The following CYP2A6 variants were observed in gnomAD, a reference collection of about 807,000 sequenced individuals.
CYP2A6 encodes the protein cytochrome P450 2A6.
In CYP2A6, 27 loss-of-function variants were observed where a neutral mutation model predicts 42.3. The observed-to-expected ratio is 0.64, with a 90% confidence interval of 0.47 to 0.88. CYP2A6 has a LOEUF of 0.88. Among genes scored for constraint, CYP2A6 ranks in the 40% least tolerant of loss-of-function variants. The pLI, the probability that CYP2A6 is intolerant of heterozygous loss-of-function variation, is 0.00. For missense variants in CYP2A6, 628 were observed against 646.0 expected, an observed-to-expected ratio of 0.97 and a Z score of 0.30; for synonymous variants, 238 against 246.3, an observed-to-expected ratio of 0.97 and a Z score of 0.31.
chr19:40,846,050 C>T lies in CYP2A6; in HGVS notation c.879G>A (p.Met293Ile). The T allele has an allele frequency of 6.2e-7, 1 of 1,611,610 alleles. No individual in the cohort carries two copies. The highest frequency in any genetic ancestry group is 8.5e-7 in the Non-Finnish European group (1 of 1,179,870). The change falls in exon 6 of 9, where the codon ATG (methionine) becomes ATA (isoleucine). Residue 293 changes from methionine (M) to isoleucine (I), a missense_variant. Physicochemically the swap from Met to Ile is conservative, Grantham distance 10. Transcript: ENST00000301141. ...NTEFYLKNLV[M>I]TTLNLFIGGT... ...CCCCAATGAAGAGGTTCAACGTGGT[C>T]ATCACCAGGTTTTTCAAGTAGAACT...
intron 2 of CYP2A6, among the ~76,000 whole-genome samples, 177 bp from the exon 3 acceptor site, chr19:40,848,940 TAG>T (rs67032351): frequency 0.19 from 12,527 of 65,890 alleles, 1,329 homozygotes; most frequent in South Asian, 0.3. Context: ...GATGTCGAGG[TAG>T]AGAGAGAGAG....
rs776087815 is a variant in CYP2A6 at position 40,846,913 on chromosome 19, G to T, written c.793C>A (p.Arg265=). 3.7e-6 allele frequency: 6 copies of T among 1,612,040 alleles called. No homozygotes were observed. Among genetic ancestry groups the T allele is most frequent in the East Asian group, 2.3e-5 (1 of 43,438 alleles). Reference sequence around the variant, plus strand: ...ATGAGAAAGGAGTCAATGAAGTCCCGTGGGGAATTGGGATCCAGCGTGCGC... The same window carrying T: ...ATGAGAAAGGAGTCAATGAAGTCCCTTGGGGAATTGGGATCCAGCGTGCGC... ...NQRTLDPNSP[R]DFIDSFLIRM... Residue 265 remains arginine, a synonymous_variant, in exon 5 of 9, where the codon CGG becomes AGG. Transcript: ENST00000301141.
rs1180088628 is a variant in CYP2A6 at position 40,846,052 on chromosome 19, T to A, written c.877A>T (p.Met293Leu). ...CCAATGAAGAGGTTCAACGTGGTCA[T>A]CACCAGGTTTTTCAAGTAGAACTCC... ...NTEFYLKNLV[M>L]TTLNLFIGGT... Residue 293 changes from methionine (M) to leucine (L), a missense_variant, in exon 6 of 9, where the codon ATG (methionine) becomes TTG (leucine). Around this residue, in one of 2 missense-constraint regions of CYP2A6, gnomAD observed 606 missense variants for 568.1 expected, o/e 1.07. Coordinates refer to ENST00000301141, the MANE Select transcript of CYP2A6 (RefSeq NM_000762.6). 1 of 1,611,548 alleles carries A rather than the reference T, an allele frequency of 6.2e-7. No homozygotes were observed. Among genetic ancestry groups the A allele is most frequent in the South Asian group, 1.1e-5 (1 of 90,884 alleles).
Position 40,846,791 on chromosome 19 carries a change from C to T in CYP2A6, c.831+84G>A, listed in dbSNP as rs1249565882. On this transcript the variant is annotated intron_variant, in intron 5 of 8. Coordinates refer to ENST00000301141, the MANE Select transcript of CYP2A6 (RefSeq NM_000762.6). ...TATGATGAGGGTTAATTTGAATGGG[C>T]CTGTGTCATCTGCCTGCCCCACTCC... 1.0e-5 allele frequency: 16 copies of T among 1,549,016 alleles called. 1 individual carries two copies. In the East Asian group the frequency reaches 3.3e-4, roughly 32 times the overall value.
chr19:40,849,772 C>T (rs1445846592), intron 2 of CYP2A6, 46 bp downstream of exon 2: 1 of 1,606,526 alleles, frequency 6.2e-7, no homozygotes, highest in African/African-American at 1.3e-5. Context: ...ACACTGAGAC[C>T]TTCGTGTCCA....
intron 4 of CYP2A6, among the ~76,000 whole-genome samples, chr19:40,847,725 G>T (rs577720071): frequency 6.6e-6 from 1 of 151,806 alleles, no homozygotes; most frequent in East Asian, 2.0e-4. Flanking sequence ...AGGTATTTAA[G>T]TGGGTGAAGT....
At chr19:40,850,196 C>G (rs1272319041) in intron 1 of CYP2A6, 51 bp downstream of exon 1, 1 of 1,580,142 alleles carries the variant, frequency 6.3e-7, no homozygotes, top group African/African-American at 1.3e-5. Context: ...AAAGCCCCAG[C>G]CAACTAGGCA....
At chr19:40,848,103 G>A (rs1967131964) in intron 4 of CYP2A6, 116 bp downstream of exon 4, 1 of 1,542,752 alleles carries the variant, frequency 6.5e-7, no homozygotes, top group Non-Finnish European at 8.8e-7. Context: ...ATCGGGGACT[G>A]ATTTTGAGGG....
rs1170247573 is a variant in CYP2A6 at position 40,848,386 on chromosome 19, G to C, written c.494-7C>G. The C allele has an allele frequency of 6.2e-7, 1 of 1,611,856 alleles. No individual in the cohort carries two copies. The highest frequency in any genetic ancestry group is 8.5e-7 in the Non-Finnish European group (1 of 1,179,912). ...GTGGGATCGATATTGGCGCCTGCGGGTATGGCGGGAGAAGGGGGTTGGGGA... is the reference window on the plus strand; with the variant it reads ...GTGGGATCGATATTGGCGCCTGCGGCTATGGCGGGAGAAGGGGGTTGGGGA... On this transcript the variant is annotated splice_region_variant and splice_polypyrimidine_tract_variant and intron_variant, in intron 3 of 8. Transcript: ENST00000301141.
At chr19:40,845,729 C>T (rs528987773) in intron 6 of CYP2A6, among the ~76,000 whole-genome samples, 5 of 151,420 alleles carry the variant, frequency 3.3e-5, no homozygotes, top group Admixed American at 2.0e-4. Flanking sequence ...GCAGTGGGCA[C>T]TCAGTGGGCT....
Position 40,844,629 on chromosome 19 carries a change from A to G in CYP2A6, c.1303+2T>C, listed in dbSNP as rs2083446104. The G allele has an allele frequency of 6.2e-7, 1 of 1,611,230 alleles. No individual in the cohort carries two copies. Among genetic ancestry groups the G allele is most frequent in the East Asian group, 2.3e-5 (1 of 43,332 alleles). On this transcript the variant is annotated splice_donor_variant, in intron 8 of 8. Transcript: ENST00000301141. LOFTEE classifies it high-confidence loss of function. ...GCCTGGCAGCAAACAGTGGTCTCTT[A>G]CCGATGGAAAAGGGCACAAAAGCAT... is the stretch of plus-strand genomic sequence containing the variant.
chr19:40,846,829 C>T (rs777575577), intron 5 of CYP2A6, 46 bp downstream of exon 5: 1 of 1,602,264 alleles, frequency 6.2e-7, no homozygotes, highest in South Asian at 1.1e-5. Context: ...GACTGATTTC[C>T]CTCTGCCTGG....
At chr19:40,844,922 G>T (rs372178313) in intron 7 of CYP2A6, 150 bp from the exon 8 acceptor site, 1 of 1,023,738 alleles carries the variant, frequency 9.8e-7, no homozygotes, top group Admixed American at 2.9e-5. Context: ...AGCTTTGGGG[G>T]ATAGAAGGTT....
chr19:40,848,325 C>T lies in CYP2A6; in HGVS notation c.548G>A (p.Ser183Asn). 6.2e-7 allele frequency: 1 copy of T among 1,611,932 alleles called. No individual in the cohort carries two copies. Among genetic ancestry groups the T allele is most frequent in the Non-Finnish European group, 8.5e-7 (1 of 1,179,952 alleles). The change falls in exon 4 of 9, where the codon AGC becomes AAC. Residue 183 changes from serine to asparagine, a missense_variant. By Grantham distance (46) the Ser-to-Asn change is conservative. Transcript: ENST00000301141. ...FLSRTVSNVI[S>N]SIVFGDRFDY... ...AAAGCGGTCCCCAAAGACAATGGAG[C>T]TGATGACATTGGAGACTGTGCGGCT...
Position 40,846,006 on chromosome 19 carries a change from G to C in CYP2A6, c.923C>G (p.Thr308Ser). ...LFIGGTETVSTTLRYGFLLLM... is the reference protein window; with the variant it reads ...LFIGGTETVSSTLRYGFLLLM... ...CAGCAAGAAGCCATAGCGCAGGGTGGTGCTGACGGTCTCGGTGCCCCCAAT... is the reference window on the plus strand; with the variant it reads ...CAGCAAGAAGCCATAGCGCAGGGTGCTGCTGACGGTCTCGGTGCCCCCAAT... Residue 308 changes from threonine to serine, a missense_variant, in exon 6 of 9, where the codon ACC (threonine) becomes AGC (serine). Physicochemically the swap from Thr to Ser is moderately conservative, Grantham distance 58. This residue lies in a region of CYP2A6 where 606 missense variants were observed against 568.1 expected (regional missense o/e 1.07). Transcript: ENST00000301141. 6.2e-7 allele frequency: 1 copy of C among 1,611,530 alleles called. No homozygotes were observed. Among genetic ancestry groups the C allele is most frequent in the Non-Finnish European group, 8.5e-7 (1 of 1,179,858 alleles).
rs1357798258 is a variant in CYP2A6, at chr19:40,848,259, A to G, written c.614T>C (p.Met205Thr). The G allele has an allele frequency of 1.9e-6, 3 of 1,611,826 alleles. 1 individual carries two copies. In the East Asian group the frequency reaches 6.9e-5, roughly 37 times the overall value. The change falls in exon 4 of 9, where the codon ATG becomes ACG. Residue 205 changes from methionine to threonine, a missense_variant. Physicochemically the swap from Met to Thr is moderately conservative, Grantham distance 81. Around this residue, in one of 2 missense-constraint regions of CYP2A6, gnomAD observed 606 missense variants for 568.1 expected, o/e 1.07. Coordinates refer to ENST00000301141, the MANE Select transcript of CYP2A6 (RefSeq NM_000762.6). ...TGACGTGAACTGGAAGATTCCTAGCATCATGCGCAACAGTGACAGGAACTC... is the reference window on the plus strand; with the variant it reads ...TGACGTGAACTGGAAGATTCCTAGCGTCATGCGCAACAGTGACAGGAACTC... Reference protein sequence around the residue: ...DKEFLSLLRMMLGIFQFTSTS... With the variant: ...DKEFLSLLRMTLGIFQFTSTS...
intron 2 of CYP2A6, among the ~76,000 whole-genome samples, 190 bp from the exon 3 acceptor site, chr19:40,848,953 AG>A (rs1233046066): frequency 3.1e-5 from 4 of 128,398 alleles, no homozygotes; most frequent in African/African-American, 1.3e-4. Flanking sequence ...AGAGAGAGAG[AG>A]AGAGAGAGAG....
chr19:40,845,454 A>C lies in CYP2A6; in HGVS notation c.1001T>G (p.Val334Gly), dbSNP rs758757957. ...CTTGGGCTGCCGGTTCTTGCCGATC[A>C]CTCTGTCAATCTCCTCATGGACCTT... ...EAKVHEEIDR[V>G]IGKNRQPKFE... Residue 334 changes from valine (V) to glycine (G), a missense_variant, in exon 7 of 9, where the codon GTG becomes GGG. Physicochemically the swap from Val to Gly is moderately radical, Grantham distance 109. Transcript: ENST00000301141. 8 of 1,611,020 alleles carry C rather than the reference A, an allele frequency of 5.0e-6. No homozygotes were observed. The highest frequency in any genetic ancestry group is 6.8e-6 in the Non-Finnish European group (8 of 1,179,800).
chr19:40,846,684 A>T (rs1967107036), intron 5 of CYP2A6, among the ~76,000 whole-genome samples, 191 bp downstream of exon 5: 1 of 151,408 alleles, frequency 6.6e-6, no homozygotes, highest in African/African-American at 2.4e-5. Context: ...TCCTGACCTC[A>T]GGTGATCCAC....
Sources: gnomAD v4.1 joint callset for allele counts (sites outside exome capture counted in the v4.1 genomes callset) on GRCh38, gnomAD v4.1.1 for gene constraint, gnomAD v4.1.1 regional missense constraint, MANE v1.5 for transcripts, NCBI Gene and HGNC (gene_info 2026-07-23, HGNC 2026-07-21) for gene names.